Variants in PRP4K observed in about 807,000 individuals in gnomAD.
The protein encoded by PRP4K is pre-mRNA processing factor kinase PRP4K.
the PRP4K span, among the ~76,000 whole-genome samples, chr6:4,031,336 G>T: frequency 6.6e-6 from 1 of 152,100 alleles, no homozygotes; most frequent in African/African-American, 2.4e-5. Context: ...TACTTTTGGT[G>T]AGTTCAACCA....
the PRP4K span, chr6:4,049,442 C>T: frequency 2.1e-6 from 1 of 465,468 alleles, no homozygotes; most frequent in Non-Finnish European, 3.8e-6. Flanking sequence ...ACTTTGGATG[C>T]CAGTCATGCG....
the PRP4K span, among the ~76,000 whole-genome samples, chr6:4,055,225 A>G: frequency 6.6e-6 from 1 of 152,196 alleles, no homozygotes; most frequent in Non-Finnish European, 1.5e-5. Context: ...CCACTGATGG[A>G]TTCTAATTTT....
chr6:4,055,653 C>T, the PRP4K span, among the ~76,000 whole-genome samples: 5 of 152,290 alleles, frequency 3.3e-5, no homozygotes, highest in South Asian at 1.0e-3. Flanking sequence ...TCCAGCCTTT[C>T]TCAGCAGATG....
chr6:4,037,669 A>T, the PRP4K span: 4 of 1,194,934 alleles, frequency 3.3e-6, no homozygotes, highest in African/African-American at 6.3e-5. Context: ...GTTTTCTCTG[A>T]AAAATCGTAG....
chr6:4,042,372 G>C, the PRP4K span: 1 of 740,484 alleles, frequency 1.4e-6, no homozygotes. Context: ...AAAGTAATAG[G>C]ACTTAAGACT....
the PRP4K span, chr6:4,062,931 T>C: frequency 2.0e-5 from 3 of 151,674 alleles, no homozygotes; most frequent in Non-Finnish European, 4.4e-5. This position sits in a 1 kb window ranked among gnomAD's most constrained non-coding sequence, Gnocchi z 4.2. Context: ...GTTGACAATT[T>C]GATGCTTCTG....
the PRP4K span, among the ~76,000 whole-genome samples, chr6:4,044,644 G>GT: frequency 5.7e-3 from 862 of 152,068 alleles, 12 homozygotes; most frequent in African/African-American, 0.02. Flanking sequence ...CCCTTTTTCA[G>GT]TTGATTTCTC....
chr6:4,022,041 C>G, the PRP4K span, among the ~76,000 whole-genome samples: 1 of 152,068 alleles, frequency 6.6e-6, no homozygotes. Context: ...ACTCTTTAGT[C>G]CAGCAGTCAC....
the PRP4K span, chr6:4,063,273 C>T: frequency 2.0e-5 from 3 of 152,016 alleles, no homozygotes; most frequent in African/African-American, 7.3e-5. Flanking sequence ...CTTGTTTTAT[C>T]ATACTTCCTG....
the PRP4K span, among the ~76,000 whole-genome samples, chr6:4,054,619 G>A: frequency 2.0e-5 from 3 of 152,084 alleles, no homozygotes; most frequent in Non-Finnish European, 2.9e-5. Flanking sequence ...CATTTCTCCT[G>A]CCTCAGCCTC....
At chr6:4,049,772 G>A in the PRP4K span, 7 of 1,613,334 alleles carry the variant, frequency 4.3e-6, no homozygotes, top group East Asian at 1.1e-4. Context: ...GTTACAATGT[G>A]TATGGCTACA....
chr6:4,036,617 C>T, the PRP4K span, among the ~76,000 whole-genome samples: 19 of 152,100 alleles, frequency 1.2e-4, no homozygotes, highest in Admixed American at 7.2e-4. Flanking sequence ...TGGGCTCAGG[C>T]GGTCCTCCCT....
the PRP4K span, chr6:4,037,439 A>G: frequency 6.2e-7 from 1 of 1,613,938 alleles, no homozygotes; most frequent in Non-Finnish European, 8.5e-7. Context: ...GTGAAAGATC[A>G]AAAGATGCCA....
At chr6:4,031,545 T>G in the PRP4K span, 3 of 1,465,736 alleles carry the variant, frequency 2.0e-6, no homozygotes, top group Non-Finnish European at 2.8e-6. Context: ...AAAATGTGTT[T>G]GATATATTTA....
the PRP4K span, chr6:4,052,207 A>G: frequency 1.6e-6 from 2 of 1,221,398 alleles, no homozygotes; most frequent in Admixed American, 3.2e-5. Context: ...TGTTTTATCC[A>G]CACAGCTCTG....
the PRP4K span, chr6:4,021,593 G>C: frequency 7.6e-7 from 1 of 1,319,800 alleles, no homozygotes; most frequent in Non-Finnish European, 1.1e-6. Flanking sequence ...GGCGCGATTC[G>C]TTGTGGGGTG....
At chr6:4,033,167 T>C in the PRP4K span, among the ~76,000 whole-genome samples, 1 of 152,206 alleles carries the variant, frequency 6.6e-6, no homozygotes. Flanking sequence ...AGTTTAACAA[T>C]TGTGTTCTGT....
At chr6:4,052,187 G>A in the PRP4K span, 23 of 1,378,010 alleles carry the variant, frequency 1.7e-5, no homozygotes, top group African/African-American at 2.2e-4. Context: ...GATTTTCTGC[G>A]TATTTGATTT....
At chr6:4,045,786 A>G in the PRP4K span, among the ~76,000 whole-genome samples, 9 of 152,200 alleles carry the variant, frequency 5.9e-5, no homozygotes, top group Admixed American at 5.2e-4. Context: ...TATAGGCACA[A>G]TTCTCTGTCT....
Sources: gnomAD v4.1 joint callset for allele counts (sites outside exome capture counted in the v4.1 genomes callset) on GRCh38, gnomAD v4.1.1 for gene constraint, Gnocchi (gnomAD v3.1) non-coding constraint, MANE v1.5 for transcripts, NCBI Gene and HGNC (gene_info 2026-07-23, HGNC 2026-07-21) for gene names.